FAM3C: variants seen among roughly 807,000 people sequenced by gnomAD.
FAM3C encodes protein FAM3C.
In FAM3C, 15 loss-of-function variants were observed where a neutral mutation model predicts 32.5. The observed-to-expected ratio is 0.46, with a 90% CI of 0.31 to 0.71. FAM3C has a LOEUF of 0.71. Ranked by LOEUF, FAM3C falls within the 30% of genes least tolerant of loss-of-function variation. FAM3C has a pLI of 0.05. For missense variants in FAM3C, 175 were observed against 274.4 expected (o/e 0.64, Z 2.56); for synonymous variants, 75 against 86.1 (o/e 0.87, Z 0.72).
At chr7:121,363,239 C>G (rs770120706) in intron 6 of FAM3C, among the ~76,000 whole-genome samples, 1 of 152,062 alleles carries the variant, frequency 6.6e-6, no homozygotes, top group African/African-American at 2.4e-5. Flanking sequence ...CATTCCAATT[C>G]GGTTAGATAT....
chr7:121,373,416 C>CTATAT (rs1374687266), intron 3 of FAM3C, among the ~76,000 whole-genome samples: 9 of 152,314 alleles, frequency 5.9e-5, no homozygotes, highest in African/African-American at 2.2e-4. Context: ...TTTTCATAAA[C>CTATAT]AGCTGTCCAA....
At chr7:121,384,421 C>T (rs929075523) in intron 1 of FAM3C, among the ~76,000 whole-genome samples, 6 of 152,172 alleles carry the variant, frequency 3.9e-5, no homozygotes, top group African/African-American at 1.2e-4. Flanking sequence ...TGGCTTCTGG[C>T]AAAACTGAAC....
At chr7:121,377,420 C>A (rs56364616) in intron 3 of FAM3C, among the ~76,000 whole-genome samples, 45,808 of 151,986 alleles carry the variant, frequency 0.3, 7,451 homozygotes, top group African/African-American at 0.43. Context: ...AGTAGTCCAG[C>A]AATCTCAGTT....
intron 1 of FAM3C, among the ~76,000 whole-genome samples, chr7:121,392,624 A>C (rs1431412126): frequency 6.6e-6 from 1 of 152,220 alleles, no homozygotes; most frequent in Non-Finnish European, 1.5e-5. Context: ...TTCAAAACTC[A>C]TTTAACAATC....
Position 121,382,074 on chromosome 7 carries a change from T to G in FAM3C, c.13+883A>C, listed in dbSNP as rs1360317966. ...ATTTTGAGAAATTACAAGTTACCTA[T>G]GTTGGGCACACGCTTAGTAGAAATT... is the stretch of plus-strand genomic sequence containing the variant. On this transcript the variant is annotated intron_variant, in intron 2 of 9. Transcript: ENST00000359943. 2.6e-5 allele frequency among the ~76,000 whole-genome samples: 4 copies of G among 152,158 alleles called. No homozygotes were observed. In the East Asian group the frequency reaches 7.7e-4, roughly 29 times the overall value.
chr7:121,350,209 C>T lies in FAM3C; in HGVS notation c.*252G>A. ...TTTTAGAATTTAAAATATGTATTAC[C>T]ATAGCAGTCTAAACATTGTACTTTT... On this transcript the variant is annotated 3_prime_UTR_variant, in exon 10 of 10. Transcript: ENST00000359943. The T allele has an allele frequency of 2.3e-6, 1 of 438,494 alleles. No homozygotes were observed. Among genetic ancestry groups the T allele is most frequent in the East Asian group, 4.4e-5 (1 of 22,770 alleles). 27.2% of individuals were successfully genotyped at this position (438,494 alleles called of 1,614,324 possible).
chr7:121,358,641 T>C (rs1229309667), intron 8 of FAM3C, among the ~76,000 whole-genome samples: 2 of 152,000 alleles, frequency 1.3e-5, no homozygotes, highest in Admixed American at 6.6e-5. Flanking sequence ...AACATAGGCA[T>C]TGTGTGTCAT....
intron 5 of FAM3C, among the ~76,000 whole-genome samples, chr7:121,365,582 T>A (rs12539772): frequency 0.29 from 44,307 of 151,906 alleles, 6,790 homozygotes; most frequent in African/African-American, 0.38. Flanking sequence ...AACACTTTTT[T>A]AAAATGTTTA....
intron 5 of FAM3C, among the ~76,000 whole-genome samples, chr7:121,365,948 C>T (rs1195288659): frequency 6.6e-6 from 1 of 152,108 alleles, no homozygotes; most frequent in Non-Finnish European, 1.5e-5. Context: ...CCAATAAGCA[C>T]ACAAAAACAT....
intron 1 of FAM3C, 149 bp from the exon 2 acceptor site, chr7:121,383,159 G>A (rs902752196): frequency 7.5e-6 from 4 of 533,574 alleles, no homozygotes; most frequent in Non-Finnish European, 1.3e-5. Flanking sequence ...AAAAAAAATG[G>A]GCCTGTCTTC....
At chr7:121,388,504 T>C (rs1794511903) in intron 1 of FAM3C, among the ~76,000 whole-genome samples, 1 of 152,096 alleles carries the variant, frequency 6.6e-6, no homozygotes, top group Non-Finnish European at 1.5e-5. Flanking sequence ...CCAATGATTA[T>C]GATGTAAATG....
intron 7 of FAM3C, among the ~76,000 whole-genome samples, chr7:121,361,241 A>G (rs1428193756): frequency 6.6e-6 from 1 of 152,232 alleles, no homozygotes; most frequent in Non-Finnish European, 1.5e-5. Context: ...ATAGCTCTGA[A>G]GTCTAATTCT....
At chr7:121,373,344 G>C (rs1794183618) in intron 3 of FAM3C, among the ~76,000 whole-genome samples, 1 of 152,082 alleles carries the variant, frequency 6.6e-6, no homozygotes, top group Non-Finnish European at 1.5e-5. Context: ...AAAATCAAAA[G>C]CCCTGTACTA....
At chr7:121,360,198 G>T (rs1231889094) in intron 7 of FAM3C, 71 bp from the exon 8 acceptor site, 1 of 802,752 alleles carries the variant, frequency 1.2e-6, no homozygotes, top group Non-Finnish European at 2.2e-6. Context: ...TCTGAAAGTA[G>T]TATTATAAAA....
chr7:121,371,424 C>A lies in FAM3C; in HGVS notation c.149-1G>T, dbSNP rs778591929. On this transcript the variant is annotated splice_acceptor_variant, in intron 4 of 9. Coordinates refer to ENST00000359943, the MANE Select transcript of FAM3C (RefSeq NM_014888.3). LOFTEE classifies it high-confidence loss of function. ...CACTTATATCTGGGAGGCTTTGTAG[C>A]TTTGGGGGAGAAAACATGATGTCTT... 3 of 1,613,306 alleles carry A rather than the reference C, an allele frequency of 1.9e-6. No individual in the cohort carries two copies. In the Admixed American group the frequency reaches 5.0e-5, roughly 27 times the overall value.
At chr7:121,383,553 G>A (rs762345379) in intron 1 of FAM3C, among the ~76,000 whole-genome samples, 6 of 152,072 alleles carry the variant, frequency 3.9e-5, no homozygotes, top group East Asian at 1.9e-4. Context: ...CATGTTTTTC[G>A]ATTTAAGTTT....
chr7:121,351,116 T>C, intron 9 of FAM3C, 27 bp downstream of exon 9: 1 of 1,595,556 alleles, frequency 6.3e-7, no homozygotes, highest in Non-Finnish European at 8.5e-7. Flanking sequence ...TTTGTTTTTG[T>C]TAATTCTGAG....
intron 8 of FAM3C, among the ~76,000 whole-genome samples, chr7:121,355,772 C>G (rs1188420662): frequency 1.3e-5 from 2 of 152,036 alleles, no homozygotes; most frequent in Non-Finnish European, 2.9e-5. Context: ...CAGATGCATC[C>G]CTTGGAGGAA....
intron 8 of FAM3C, among the ~76,000 whole-genome samples, chr7:121,353,020 G>A (rs998076226): frequency 1.3e-5 from 2 of 152,168 alleles, no homozygotes; most frequent in African/African-American, 2.4e-5. Context: ...CTCCTGCAGA[G>A]AGGCTTTGGG....
Sources: allele counts gnomAD v4.1 joint callset (sites outside exome capture counted in the v4.1 genomes callset), GRCh38; gene constraint gnomAD v4.1.1; transcripts MANE v1.5; gene names NCBI Gene and HGNC (gene_info 2026-07-23, HGNC 2026-07-21).